HDAC8: variants seen among roughly 807,000 people sequenced by gnomAD.
HDAC8 encodes the protein histone deacetylase 8.
A neutral mutation model predicts 32.2 loss-of-function variants in HDAC8; 1 was observed. That is an observed-to-expected ratio of 0.03 (90% CI 0.01 to 0.15). The LOEUF (loss-of-function observed/expected upper bound fraction) is 0.15. HDAC8 is among the 10% of genes least tolerant of loss of function. HDAC8 has a pLI of 1.00. For synonymous variants in HDAC8, 108 were observed against 113.9 expected (o/e 0.95, Z 0.33); for missense variants, 117 against 300.0 (o/e 0.39, Z 4.51).
Position 72,572,818 on chromosome X carries a change from GC to G in HDAC8, c.-58del. The stretch of plus-strand genomic sequence containing the variant: ...CCAGATCTGGCTTTTTTCGGACTCG[GC>G]CAGGGTTCCAGTTCCTGCTCCTCTG... On this transcript the variant is annotated 5_prime_UTR_variant, in exon 1 of 11. Coordinates refer to ENST00000373573, the MANE Select transcript of HDAC8 (RefSeq NM_018486.3). 9.9e-7 allele frequency: 1 copy of G among 1,007,200 alleles called. No individual in the cohort carries two copies. Among genetic ancestry groups the G allele is most frequent in the African/African-American group, 1.9e-5 (1 of 53,972 alleles). 83.0% of individuals were successfully genotyped at this position (1,007,200 alleles called of 1,213,427 possible).
intron 9 of HDAC8, among the ~76,000 whole-genome samples, chrX:72,357,746 C>T (rs376559069): frequency 1.8e-5 from 2 of 110,951 alleles, no homozygotes; most frequent in African/African-American, 3.3e-5. Context: ...CAGATAGTAC[C>T]GAGCCTGATT....
intron 9 of HDAC8, among the ~76,000 whole-genome samples, chrX:72,392,672 C>A (rs1349575759): frequency 1.8e-5 from 2 of 112,088 alleles, no homozygotes; most frequent in Non-Finnish European, 3.8e-5. Context: ...AAATTCCAAA[C>A]TTTGGCATTT....
At chrX:72,466,072 C>T (rs781789258) in intron 7 of HDAC8, among the ~76,000 whole-genome samples, 28 of 112,092 alleles carry the variant, frequency 2.5e-4, no homozygotes, top group Admixed American at 1.9e-4. Flanking sequence ...GATAAGCTAA[C>T]TGAATAGTTT....
At chrX:72,333,005 T>C (rs1170244766) in intron 10 of HDAC8, among the ~76,000 whole-genome samples, 2 of 112,327 alleles carry the variant, frequency 1.8e-5, no homozygotes, top group Non-Finnish European at 3.8e-5. Flanking sequence ...TGCAAATATC[T>C]TATCTCAGTA....
At chrX:72,560,251 T>G in intron 4 of HDAC8, among the ~76,000 whole-genome samples, 1 of 111,793 alleles carries the variant, frequency 8.9e-6, no homozygotes, top group Non-Finnish European at 1.9e-5. Context: ...GCTGTTAATC[T>G]ATAACCTTAC....
rs149044787 is a variant in HDAC8, at chrX:72,523,664, T to C, written c.438-28396A>G. Among the ~76,000 whole-genome samples the C allele has an allele frequency of 3.3e-3, 365 of 111,912 alleles. 1 individual carries two copies. Among genetic ancestry groups the C allele is most frequent in the African/African-American group, 0.011 (352 of 30,819 alleles). On this transcript the variant is annotated intron_variant, in intron 4 of 10. Transcript: ENST00000373573. Reference sequence around the variant, plus strand: ...CTCTTCTGATCTTAATTAAAATCTATAACAACATGAACAATCCCAATAGTA... The same window carrying C: ...CTCTTCTGATCTTAATTAAAATCTACAACAACATGAACAATCCCAATAGTA...
intron 9 of HDAC8, among the ~76,000 whole-genome samples, chrX:72,454,037 A>G (rs2047658112): frequency 8.9e-6 from 1 of 112,160 alleles, no homozygotes; most frequent in Non-Finnish European, 1.9e-5. Flanking sequence ...GTATAAGAAA[A>G]ATGAACTGAA....
At chrX:72,333,563 C>T (rs1161448035) in intron 10 of HDAC8, among the ~76,000 whole-genome samples, 1 of 109,734 alleles carries the variant, frequency 9.1e-6, no homozygotes, top group Non-Finnish European at 1.9e-5. Flanking sequence ...TGGTGGTGGG[C>T]GCCTGTAACC....
At position 72,398,586 on chromosome X, in the gene HDAC8, C is replaced by T. The variant is rs782125915; in HGVS notation, c.1006-46748G>A. Among the ~76,000 whole-genome samples, 13 of 108,523 alleles carry T rather than the reference C, an allele frequency of 1.2e-4. No homozygotes were observed. The South Asian group carries it at 2.9e-3, about 24-fold the overall frequency. 94.2% of individuals were successfully genotyped at this position (108,523 alleles called of 115,157 possible). ...TTGGCCTCAAGCAATCCTCCTGCCT[C>T]GACCGAGATCTCTAAGTGTTGGGAT... On this transcript the variant is annotated intron_variant, in intron 9 of 10. Transcript: ENST00000373573.
chrX:72,504,855 G>A (rs782166054), intron 4 of HDAC8, among the ~76,000 whole-genome samples: 33 of 111,087 alleles, frequency 3.0e-4, no homozygotes, highest in Middle Eastern at 9.3e-3. Flanking sequence ...GTCCTCACCA[G>A]CACTTGTTAT....
intron 9 of HDAC8, among the ~76,000 whole-genome samples, chrX:72,411,373 C>G (rs782415663): frequency 6.2e-5 from 7 of 112,141 alleles, no homozygotes; most frequent in Non-Finnish European, 1.3e-4. Context: ...GAATGCAGCT[C>G]TTTGTTTGGC....
chrX:72,391,658 G>C (rs192664810), intron 9 of HDAC8, among the ~76,000 whole-genome samples: 64 of 111,502 alleles, frequency 5.7e-4, no homozygotes, highest in South Asian at 5.7e-3. Context: ...ATGGTAAAAA[G>C]AACTCTCTAA....
intron 9 of HDAC8, among the ~76,000 whole-genome samples, chrX:72,404,776 C>G (rs926515586): frequency 2.7e-5 from 3 of 109,724 alleles, no homozygotes; most frequent in African/African-American, 9.9e-5. Context: ...CATTTTTTTT[C>G]TTTCTAGTTT....
chrX:72,572,605 A>ACCCCCC (rs782765965), intron 1 of HDAC8, 46 bp downstream of exon 1: 2 of 189,320 alleles, frequency 1.1e-5, no homozygotes, highest in African/African-American at 1.6e-4. Context: ...CACCGCCCCC[A>ACCCCCC]CCCCCACCCC....
At chrX:72,360,085 G>T (rs1427926098) in intron 9 of HDAC8, among the ~76,000 whole-genome samples, 2 of 108,421 alleles carry the variant, frequency 1.8e-5, no homozygotes, top group African/African-American at 6.8e-5. Flanking sequence ...GTCTGGGCGT[G>T]GTGGCTCACG....
chrX:72,498,412 T>C (rs1387978816), intron 4 of HDAC8, among the ~76,000 whole-genome samples: 6 of 111,827 alleles, frequency 5.4e-5, no homozygotes, highest in Admixed American at 3.8e-4. Context: ...GGCCGAGATA[T>C]GTCAGAATCC....
chrX:72,445,668 C>T (rs1476061199), intron 9 of HDAC8, among the ~76,000 whole-genome samples: 1 of 111,739 alleles, frequency 8.9e-6, no homozygotes, highest in African/African-American at 3.3e-5. Context: ...GCAACAAAAG[C>T]CAAAATTGAT....
At chrX:72,571,968 G>A (rs887697639) in intron 2 of HDAC8, 89 bp downstream of exon 2, 25 of 754,575 alleles carry the variant, frequency 3.3e-5, no homozygotes, top group Non-Finnish European at 4.5e-5. Context: ...TTTTTCAAAA[G>A]ACCATTCTTT....
chrX:72,409,367 A>G (rs782428792), intron 9 of HDAC8, among the ~76,000 whole-genome samples: 1 of 111,819 alleles, frequency 8.9e-6, no homozygotes, highest in East Asian at 2.8e-4. Flanking sequence ...ACTTTACTGT[A>G]ACTGCCACAG....
Sources: gnomAD v4.1 joint callset for allele counts (sites outside exome capture counted in the v4.1 genomes callset) on GRCh38, gnomAD v4.1.1 for gene constraint, MANE v1.5 for transcripts, NCBI Gene and HGNC (gene_info 2026-07-23, HGNC 2026-07-21) for gene names.